The following ELP1 variants were observed in gnomAD, a reference collection of about 807,000 sequenced individuals.
ELP1 encodes the protein elongator acetyltransferase complex subunit 1.
Under a neutral mutation model 183.2 loss-of-function variants are expected in ELP1, and 131 were observed. The ratio of observed to expected loss-of-function variants is 0.72; its 90% CI spans 0.62 to 0.83. The LOEUF is 0.83. ELP1 is among the 40% of genes least tolerant of loss of function. ELP1 has a pLI of 0.00. For missense variants in ELP1, 1,550 were observed against 1,594.9 expected (o/e 0.97, Z 0.48); for synonymous variants, 555 against 569.0 (o/e 0.98, Z 0.35).
In ELP1 at chr9:108,896,787, T is replaced by A. The variant is rs73512446; in HGVS notation, c.2588-143A>T. The A allele has an allele frequency of 7.9e-4, 813 of 1,032,740 alleles. 6 individuals are homozygous for A. In the African/African-American group the frequency reaches 0.012, roughly 15 times the overall value. The allele number at this position is 1,032,740 out of a possible 1,614,324, so 64.0% of individuals were successfully genotyped here. A position where few individuals can be genotyped will look rare whatever the true frequency, so the allele number is the denominator to read the frequency against. On this transcript the variant is annotated intron_variant, in intron 24 of 36. Coordinates refer to ENST00000374647, the MANE Select transcript of ELP1 (RefSeq NM_003640.5). Reference sequence around the variant, plus strand: ...TATATACTTCTGATACTTTTATATATGCTTTAGAGGGCAGCACTGAAAAAA... The same window carrying A: ...TATATACTTCTGATACTTTTATATAAGCTTTAGAGGGCAGCACTGAAAAAA...
At chr9:108,907,578 C>T (rs1180405050) in intron 13 of ELP1, among the ~76,000 whole-genome samples, 1 of 152,070 alleles carries the variant, frequency 6.6e-6, no homozygotes, top group Admixed American at 6.6e-5. Context: ...TAAATGTTCC[C>T]TGGAGGCAGA....
At chr9:108,870,680 T>A (rs1240586296) in intron 36 of ELP1, among the ~76,000 whole-genome samples, 1 of 151,670 alleles carries the variant, frequency 6.6e-6, no homozygotes. Flanking sequence ...TGCTTTTTCA[T>A]TTCTCTAAGG....
At chr9:108,879,298 G>T in intron 33 of ELP1, 148 bp downstream of exon 33, 1 of 705,208 alleles carries the variant, frequency 1.4e-6, no homozygotes, top group Non-Finnish European at 2.6e-6. Context: ...AGATATGCTG[G>T]GAAAGTGTCT....
At chr9:108,886,086 C>T (rs1828110556) in intron 29 of ELP1, among the ~76,000 whole-genome samples, 1 of 152,162 alleles carries the variant, frequency 6.6e-6, no homozygotes, top group African/African-American at 2.4e-5. Context: ...TAACAGGGGG[C>T]CCTGAGTCCT....
chr9:108,912,830 C>T (rs1289690434), intron 10 of ELP1, among the ~76,000 whole-genome samples: 4 of 149,598 alleles, frequency 2.7e-5, no homozygotes, highest in Non-Finnish European at 4.4e-5. Flanking sequence ...TCTCGGCTCA[C>T]TGCAAGCTCC....
intron 1 of ELP1, among the ~76,000 whole-genome samples, chr9:108,933,026 C>T (rs140788377): frequency 6.6e-6 from 1 of 152,158 alleles, no homozygotes; most frequent in African/African-American, 2.4e-5. Flanking sequence ...CCAGGTAGAT[C>T]ACCAATACGC....
intron 31 of ELP1, among the ~76,000 whole-genome samples, chr9:108,880,592 A>C (rs75902638): frequency 0.023 from 3,498 of 152,320 alleles, 45 homozygotes; most frequent in Middle Eastern, 0.051. Context: ...GTATCTAATA[A>C]ATATTGTCCA....
intron 25 of ELP1, among the ~76,000 whole-genome samples, chr9:108,894,290 C>G (rs999774494): frequency 1.3e-5 from 2 of 152,192 alleles, no homozygotes; most frequent in Non-Finnish European, 2.9e-5. Flanking sequence ...TCCAAGCATA[C>G]CCCAGTCCTA....
chr9:108,898,500 A>C lies in ELP1; in HGVS notation c.2363+2T>G. The C allele has an allele frequency of 2.0e-6, 3 of 1,473,858 alleles. No homozygotes were observed. The highest frequency in any genetic ancestry group is 2.8e-6 in the Non-Finnish European group (3 of 1,057,128). The allele number at this position is 1,473,858 out of a possible 1,614,324, so 91.3% of individuals were successfully genotyped here. A position where few individuals can be genotyped will look rare whatever the true frequency, so the allele number is the denominator to read the frequency against. On this transcript the variant is annotated splice_donor_variant, in intron 22 of 36. Coordinates refer to ENST00000374647, the MANE Select transcript of ELP1 (RefSeq NM_003640.5). LOFTEE classifies it high-confidence loss of function. Reference sequence around the variant, plus strand: ...TACACATGAATTATTCAAAATACTTACTTCAATTCTGTAAAAAACAAGTTA... The same window carrying C: ...TACACATGAATTATTCAAAATACTTCCTTCAATTCTGTAAAAAACAAGTTA...
rs1341613149 is a variant in ELP1, at chr9:108,898,539, AATCT to A, written c.2322_2325del (p.Asp775LeufsTer2). 3.1e-6 allele frequency: 5 copies of A among 1,598,854 alleles called. No individual in the cohort carries two copies. The highest frequency in any genetic ancestry group is 4.3e-6 in the Non-Finnish European group (5 of 1,167,858). On this transcript the variant is annotated frameshift_variant, in exon 22 of 37. Transcript: ENST00000374647. LOFTEE classifies it high-confidence loss of function. ...AAAAACAAGTTAATATGATTCACAG[AATCT>A]ATCTGTTTAATGAAGGTTTCCACAT... is the stretch of plus-strand genomic sequence containing the variant.
Position 108,931,239 on chromosome 9 carries a change from CCAT to C in ELP1, c.-55-41_-55-39del. On this transcript the variant is annotated intron_variant, in intron 1 of 36. Transcript: ENST00000374647. ...TAAATAGCTTAATAGTGATAAATGA[CCAT>C]ATTTATTTAAATGAAATGATTCAGG... The C allele has an allele frequency of 2.5e-6, 3 of 1,202,626 alleles. No homozygotes were observed. In the South Asian group the frequency reaches 3.7e-5, roughly 15 times the overall value. The allele number at this position is 1,202,626 out of a possible 1,614,324, so 74.5% of individuals were successfully genotyped here. A position where few individuals can be genotyped will look rare whatever the true frequency, so the allele number is the denominator to read the frequency against.
intron 36 of ELP1, among the ~76,000 whole-genome samples, chr9:108,871,057 T>C (rs1333048560): frequency 2.7e-5 from 4 of 148,894 alleles, no homozygotes; most frequent in African/African-American, 7.5e-5. Flanking sequence ...TGTGAAGTCA[T>C]GCACATCTGG....
intron 8 of ELP1, 139 bp downstream of exon 8, chr9:108,918,668 AAGAT>A (rs1829536991): frequency 1.5e-6 from 1 of 685,206 alleles, no homozygotes; most frequent in Non-Finnish European, 2.6e-6. Context: ...AGAAGAAACA[AAGAT>A]AGATACAGCC....
At position 108,879,426 on chromosome 9, in the gene ELP1, T is replaced by C. The variant is rs763928741; in HGVS notation, c.3572+20A>G. 8.4e-6 allele frequency: 13 copies of C among 1,555,350 alleles called. No homozygotes were observed. The highest frequency in any genetic ancestry group is 1.1e-5 in the Non-Finnish European group (12 of 1,126,382). On this transcript the variant is annotated intron_variant, in intron 33 of 36. Transcript: ENST00000374647. ...TATGCCCAGGATATAGTCAATGTGC[T>C]GAATCAATGTGATACGTACGCTGAT...
At position 108,869,163 on chromosome 9, in the gene ELP1, T is replaced by C. The variant is rs1212162839; in HGVS notation, c.3951A>G (p.Pro1317=). 6.2e-7 allele frequency: 1 copy of C among 1,613,914 alleles called. No individual in the cohort carries two copies. Among genetic ancestry groups the C allele is most frequent in the South Asian group, 1.1e-5 (1 of 91,078 alleles). The change falls in exon 37 of 37, where the codon CCA becomes CCG. Residue 1317 remains proline, a synonymous_variant. Transcript: ENST00000374647. ...VPVLDAELFI[P]PKINRRTQWK... ...ACTGGGTTCTTCTGTTGATCTTTGG[T>C]GGTATAAAAAGCTCAGCATCTAAAA...
chr9:108,930,939 G>A, intron 2 of ELP1, 58 bp downstream of exon 2: 2 of 1,554,656 alleles, frequency 1.3e-6, no homozygotes, highest in Non-Finnish European at 1.8e-6. Flanking sequence ...AAAGAAATTT[G>A]GAAGAAGAGA....
In ELP1 at chr9:108,903,657, C is replaced by G; in HGVS notation, c.1656G>C (p.Ala552=). Residue 552 remains alanine, a synonymous_variant, in exon 15 of 37, where the codon GCG becomes GCC. Coordinates refer to ENST00000374647, the MANE Select transcript of ELP1 (RefSeq NM_003640.5). ...ATAGACTGATTATGACCCCATCCAC[C>G]GCTGCAGATGAACTGACAAAAAAAA... ...HGQLNVSSSA[A]VDGVIISLCC... 1 of 1,613,436 alleles carries G rather than the reference C, an allele frequency of 6.2e-7. No individual in the cohort carries two copies. The highest frequency in any genetic ancestry group is 8.5e-7 in the Non-Finnish European group (1 of 1,179,542).
chr9:108,917,182 T>C (rs1011276763), intron 9 of ELP1, among the ~76,000 whole-genome samples: 1 of 152,134 alleles, frequency 6.6e-6, no homozygotes, highest in African/African-American at 2.4e-5. Flanking sequence ...AAATCCCCTC[T>C]ATAGGCCAGG....
chr9:108,880,283 T>C, intron 31 of ELP1, 118 bp from the exon 32 acceptor site: 2 of 715,230 alleles, frequency 2.8e-6, no homozygotes, highest in Non-Finnish European at 5.1e-6. Flanking sequence ...GTTACTAGGT[T>C]TTCCAAGCGA....
Sources: gnomAD v4.1 joint callset for allele counts (sites outside exome capture counted in the v4.1 genomes callset) on GRCh38, gnomAD v4.1.1 for gene constraint, MANE v1.5 for transcripts, NCBI Gene and HGNC (gene_info 2026-07-23, HGNC 2026-07-21) for gene names.